The following CCSER1 variants were observed in gnomAD, a reference collection of about 807,000 sequenced individuals.
CCSER1 encodes coiled-coil serine rich protein 1, also known as serine-rich coiled-coil domain-containing protein 1.
In CCSER1, 41 loss-of-function variants were observed where a neutral mutation model predicts 82.0. The observed-to-expected ratio is 0.50, with a 90% CI of 0.39 to 0.65. CCSER1 has a LOEUF of 0.65. Ranked by LOEUF, CCSER1 falls within the 30% of genes least tolerant of loss-of-function variation. The pLI, the probability that CCSER1 is intolerant of heterozygous loss-of-function variation, is 0.00. For missense variants in CCSER1, 1,119 were observed against 1,064.2 expected (o/e 1.05, Z -0.72); for synonymous variants, 414 against 383.9 (o/e 1.08, Z -0.92).
chr4:91,129,110 C>T (rs1727771890), intron 10 of CCSER1, among the ~76,000 whole-genome samples: 1 of 152,034 alleles, frequency 6.6e-6, no homozygotes, highest in Admixed American at 6.6e-5. Flanking sequence ...CATTTTCAAA[C>T]AGTACCCAAA....
At chr4:91,075,176 C>CTT (rs1487482022) in intron 9 of CCSER1, among the ~76,000 whole-genome samples, 6 of 82,048 alleles carry the variant, frequency 7.3e-5, no homozygotes, top group African/African-American at 2.8e-4. Flanking sequence ...GTAGGAAGTT[C>CTT]TATTTTTTTT....
intron 8 of CCSER1, among the ~76,000 whole-genome samples, chr4:90,918,020 C>CT (rs1462885446): frequency 6.6e-6 from 1 of 151,896 alleles, no homozygotes; most frequent in Non-Finnish European, 1.5e-5. Context: ...TTAAAAAAAT[C>CT]TTTTTCTAGC....
At chr4:91,191,113 A>G (rs770198196) in intron 10 of CCSER1, among the ~76,000 whole-genome samples, 2 of 152,330 alleles carry the variant, frequency 1.3e-5, no homozygotes, top group Non-Finnish European at 2.9e-5. Context: ...CTATAGGTAA[A>G]TGCCAAGCAT....
intron 10 of CCSER1, among the ~76,000 whole-genome samples, chr4:91,304,406 A>G (rs1002736167): frequency 6.6e-6 from 1 of 152,074 alleles, no homozygotes; most frequent in Non-Finnish European, 1.5e-5. Flanking sequence ...TTTTTGATAC[A>G]TTAGTTAACT....
In CCSER1 at chr4:91,267,390, A is replaced by T. The variant is rs78783072; in HGVS notation, c.2217+181396A>T. ...ATCTATATCAAATAGGAAAAAAATA[A>T]CTTTAAGAAAAATGTTTCTCTCTGC... On this transcript the variant is annotated intron_variant, in intron 10 of 10. Coordinates refer to ENST00000509176, the MANE Select transcript of CCSER1 (RefSeq NM_001145065.2). 3.8e-3 allele frequency among the ~76,000 whole-genome samples: 585 copies of T among 152,298 alleles called. 3 individuals carry two copies. The highest frequency in any genetic ancestry group is 0.013 in the African/African-American group (550 of 41,576).
intron 8 of CCSER1, among the ~76,000 whole-genome samples, chr4:90,904,633 G>T (rs555189508): frequency 1.3e-5 from 2 of 152,152 alleles, no homozygotes; most frequent in African/African-American, 2.4e-5. Context: ...TAAAGTTCCC[G>T]GGAAAGTATG....
chr4:90,595,334 G>A (rs1874606), intron 5 of CCSER1, among the ~76,000 whole-genome samples: 69,815 of 151,758 alleles, frequency 0.46, 20,763 homozygotes, highest in African/African-American at 0.85. Flanking sequence ...TAATAAGAAC[G>A]TTTAGTGTTT....
intron 9 of CCSER1, among the ~76,000 whole-genome samples, chr4:91,085,512 T>A (rs1041386388): frequency 6.6e-6 from 1 of 152,102 alleles, no homozygotes; most frequent in Admixed American, 6.6e-5. Flanking sequence ...TCCTGAATAT[T>A]TTATAGATAA....
chr4:90,839,975 TTAATA>T (rs1762366475), intron 8 of CCSER1, among the ~76,000 whole-genome samples: 1 of 152,042 alleles, frequency 6.6e-6, no homozygotes, highest in Non-Finnish European at 1.5e-5. Flanking sequence ...TTGTAATAAA[TTAATA>T]TAATAATGTG....
At chr4:90,723,887 T>C in intron 6 of CCSER1, 27 bp from the exon 7 acceptor site, 2 of 1,292,278 alleles carry the variant, frequency 1.5e-6, no homozygotes, top group Non-Finnish European at 1.0e-6. Context: ...ACAATCCTAA[T>C]TAAATTCAAT....
chr4:91,460,087 G>A (rs1237828716), intron 10 of CCSER1, among the ~76,000 whole-genome samples: 5 of 152,168 alleles, frequency 3.3e-5, no homozygotes, highest in Non-Finnish European at 7.3e-5. Context: ...CACATTGCAG[G>A]AGCATTTGAC....
chr4:91,014,181 G>A (rs1739235426), intron 9 of CCSER1, among the ~76,000 whole-genome samples: 1 of 127,180 alleles, frequency 7.9e-6, no homozygotes, highest in Non-Finnish European at 1.8e-5. Flanking sequence ...ACCTGACATG[G>A]GAAAAGATTT....
chr4:91,169,398 A>G (rs890204424), intron 10 of CCSER1, among the ~76,000 whole-genome samples: 1 of 152,004 alleles, frequency 6.6e-6, no homozygotes, highest in Non-Finnish European at 1.5e-5. Flanking sequence ...AGGCGGGTGG[A>G]TCATTTGAGG....
At chr4:90,219,130 C>G (rs983666450) in intron 1 of CCSER1, among the ~76,000 whole-genome samples, 1 of 152,026 alleles carries the variant, frequency 6.6e-6, no homozygotes, top group Non-Finnish European at 1.5e-5. Flanking sequence ...GGTTAGAAAT[C>G]ATTTGAATAA....
intron 10 of CCSER1, chr4:91,325,056 G>T (rs561957576): frequency 2.5e-6 from 1 of 404,750 alleles, no homozygotes; most frequent in East Asian, 7.2e-5. Flanking sequence ...CGGACCTGTG[G>T]GGCAAGGGGC....
At chr4:90,304,146 C>CA (rs1203429158) in intron 1 of CCSER1, among the ~76,000 whole-genome samples, 1 of 152,102 alleles carries the variant, frequency 6.6e-6, no homozygotes, top group Non-Finnish European at 1.5e-5. Context: ...AGTCAGGAAA[C>CA]AACAGATGCT....
intron 9 of CCSER1, among the ~76,000 whole-genome samples, chr4:91,085,585 TCTG>T (rs1225203878): frequency 2.6e-5 from 4 of 152,126 alleles, no homozygotes; most frequent in African/African-American, 9.7e-5. Flanking sequence ...GGCGCTGAGA[TCTG>T]CTGGTAGGTG....
intron 8 of CCSER1, among the ~76,000 whole-genome samples, chr4:90,905,358 CCACACACACA>C (rs3043030): frequency 6.0e-5 from 9 of 150,450 alleles, no homozygotes; most frequent in African/African-American, 1.9e-4. Context: ...TCTAGTCACA[CCACACACACA>C]CACACACACA....
At chr4:91,325,123 A>G (rs1746463246) in intron 10 of CCSER1, 2 of 455,042 alleles carry the variant, frequency 4.4e-6, no homozygotes, top group African/African-American at 2.0e-5. Context: ...CCTTATTTCT[A>G]ATTCCACAGG....
Sources: allele counts gnomAD v4.1 joint callset (sites outside exome capture counted in the v4.1 genomes callset), GRCh38; gene constraint gnomAD v4.1.1; transcripts MANE v1.5; gene names NCBI Gene and HGNC (gene_info 2026-07-23, HGNC 2026-07-21).